The following PADI4 variants were observed in gnomAD, a reference collection of about 807,000 sequenced individuals.
PADI4 encodes the protein protein-arginine deiminase type-4.
PADI4 carries 62 observed loss-of-function variants against 75.0 expected under a neutral mutation model. The ratio of observed to expected loss-of-function variants is 0.83; its 90% confidence interval spans 0.67 to 1.02. The LOEUF is 1.02. Among genes scored for constraint, PADI4 ranks in the 50% least tolerant of loss-of-function variants. The probability of loss-of-function intolerance (pLI) is 0.00; values close to 1 mark genes in which losing one functional copy is unlikely to be tolerated. For missense variants in PADI4, 845 were observed against 850.5 expected (o/e 0.99, Z 0.08); for synonymous variants, 361 against 348.1 (o/e 1.04, Z -0.41).
intron 1 of PADI4, among the ~76,000 whole-genome samples, chr1:17,311,055 C>A (rs1248997563): frequency 6.6e-6 from 1 of 151,448 alleles, no homozygotes; most frequent in Admixed American, 6.6e-5. Context: ...CGAGATTGTG[C>A]CACTGAACTC....
intron 2 of PADI4, among the ~76,000 whole-genome samples, chr1:17,332,849 A>C (rs2074238957): frequency 6.6e-6 from 1 of 152,078 alleles, no homozygotes; most frequent in African/African-American, 2.4e-5. Context: ...AAGAAGTAGC[A>C]AGCTGAAGGG....
chr1:17,341,572 TG>T (rs2074418943), intron 6 of PADI4, among the ~76,000 whole-genome samples: 1 of 152,172 alleles, frequency 6.6e-6, no homozygotes, highest in African/African-American at 2.4e-5. Context: ...GTGCACTCTC[TG>T]GGGGTGAGGA....
chr1:17,322,564 T>A (rs1160687014), intron 1 of PADI4, among the ~76,000 whole-genome samples: 3 of 151,956 alleles, frequency 2.0e-5, no homozygotes, highest in Non-Finnish European at 4.4e-5. Flanking sequence ...AGGGTAAAGA[T>A]CTTTGGGGCC....
chr1:17,357,242 T>C (rs2074776699), intron 13 of PADI4, among the ~76,000 whole-genome samples: 1 of 152,140 alleles, frequency 6.6e-6, no homozygotes, highest in Non-Finnish European at 1.5e-5. Flanking sequence ...ATCTCGACTC[T>C]CTGCAGCCTC....
At chr1:17,329,311 G>A (rs2074168273) in intron 1 of PADI4, among the ~76,000 whole-genome samples, 3 of 146,306 alleles carry the variant, frequency 2.1e-5, no homozygotes, top group Non-Finnish European at 3.0e-5. Context: ...GGGCGACAGT[G>A]AGACTCTGTC....
At position 17,345,432 on chromosome 1, in the gene PADI4, T is replaced by C. The variant is rs529841765; in HGVS notation, c.936-596T>C. Reference sequence around the variant, plus strand: ...TGGGAAGGCATGATTGGTTTTGAAATGTGAGGATATAGGATTTGGAGGGGC... The same window carrying C: ...TGGGAAGGCATGATTGGTTTTGAAACGTGAGGATATAGGATTTGGAGGGGC... On this transcript the variant is annotated intron_variant, in intron 8 of 15. Coordinates refer to ENST00000375448, the MANE Select transcript of PADI4 (RefSeq NM_012387.3). 2.6e-5 allele frequency among the ~76,000 whole-genome samples: 4 copies of C among 152,278 alleles called. No homozygotes were observed. In the South Asian group the frequency reaches 8.3e-4, roughly 32 times the overall value.
intron 10 of PADI4, among the ~76,000 whole-genome samples, chr1:17,349,689 A>ATGAGACCTT (rs1276791853): frequency 4.2e-4 from 43 of 101,412 alleles, no homozygotes; most frequent in East Asian, 1.9e-3. Context: ...TGGGTGACAG[A>ATGAGACCTT]GCAAGACTGT....
In PADI4 at chr1:17,363,804, C is replaced by A; in HGVS notation, c.*49C>A. On this transcript the variant is annotated 3_prime_UTR_variant, in exon 16 of 16. Coordinates refer to ENST00000375448, the MANE Select transcript of PADI4 (RefSeq NM_012387.3). ...CCCTCCTGGCCAGATGTCGCTGGGT[C>A]CTCTGCAGTGTGGCAAGCAAGAGCT... The A allele has an allele frequency of 7.5e-7, 1 of 1,336,796 alleles. No homozygotes were observed. The highest frequency in any genetic ancestry group is 1.1e-6 in the Non-Finnish European group (1 of 934,260). The allele number at this position is 1,336,796 out of a possible 1,614,324, so 82.8% of individuals were successfully genotyped here.
intron 3 of PADI4, chr1:17,334,643 G>T: frequency 2.2e-6 from 1 of 456,146 alleles, no homozygotes; most frequent in Non-Finnish European, 4.4e-6. Context: ...ATAACAAAAA[G>T]TAGATAATGA....
intron 8 of PADI4, among the ~76,000 whole-genome samples, chr1:17,345,609 G>A (rs2074501447): frequency 6.6e-6 from 1 of 152,164 alleles, no homozygotes; most frequent in Non-Finnish European, 1.5e-5. Flanking sequence ...TCATGATAGT[G>A]AATAAGTCTC....
intron 15 of PADI4, among the ~76,000 whole-genome samples, chr1:17,362,351 CAA>C (rs34897407): frequency 0.44 from 47,253 of 107,458 alleles, 8,283 homozygotes; most frequent in Middle Eastern, 0.48. Flanking sequence ...GACCCTGTCT[CAA>C]AAAAAAAAAA....
chr1:17,352,864 G>A (rs2074690066), intron 10 of PADI4, among the ~76,000 whole-genome samples: 1 of 152,188 alleles, frequency 6.6e-6, no homozygotes, highest in Non-Finnish European at 1.5e-5. Context: ...CGAACATGAG[G>A]GTTGTCGGCT....
chr1:17,355,855 A>G, intron 11 of PADI4, 128 bp from the exon 12 acceptor site: 2 of 866,330 alleles, frequency 2.3e-6, no homozygotes, highest in South Asian at 2.8e-5. Context: ...AAATAAAGGC[A>G]TTCTAGACTC....
chr1:17,341,579 G>A (rs980806823), intron 6 of PADI4, among the ~76,000 whole-genome samples: 1 of 152,220 alleles, frequency 6.6e-6, no homozygotes, highest in Non-Finnish European at 1.5e-5. Flanking sequence ...CTCTGGGGGT[G>A]AGGATAGGAG....
intron 13 of PADI4, among the ~76,000 whole-genome samples, chr1:17,358,118 C>T (rs1011134594): frequency 6.8e-5 from 10 of 147,606 alleles, no homozygotes; most frequent in East Asian, 4.1e-4. Context: ...CGCAGTGGTG[C>T]GCACCTGTAA....
chr1:17,355,876 T>G, intron 11 of PADI4, 107 bp from the exon 12 acceptor site: 1 of 1,091,938 alleles, frequency 9.2e-7, no homozygotes, highest in Non-Finnish European at 1.4e-6. Context: ...CTGCATCCCT[T>G]TCTCAGCTGA....
intron 1 of PADI4, among the ~76,000 whole-genome samples, chr1:17,318,202 A>G (rs76120640): frequency 0.011 from 1,741 of 152,332 alleles, 40 homozygotes; most frequent in African/African-American, 0.04. Flanking sequence ...GGCACAGCAG[A>G]GTGGCACCAA....
chr1:17,325,714 ATT>A (rs11378800), intron 1 of PADI4, among the ~76,000 whole-genome samples: 72 of 147,490 alleles, frequency 4.9e-4, no homozygotes, highest in Admixed American at 4.5e-3. Context: ...CACGTTCCTG[ATT>A]TTTTTTTTTT....
chr1:17,352,652 C>T (rs561827090), intron 10 of PADI4, among the ~76,000 whole-genome samples: 61 of 152,258 alleles, frequency 4.0e-4, no homozygotes, highest in African/African-American at 1.4e-3. Flanking sequence ...AGGCTGTGAC[C>T]TCTGTGGGTG....
Sources: gnomAD v4.1 joint callset for allele counts (sites outside exome capture counted in the v4.1 genomes callset) on GRCh38, gnomAD v4.1.1 for gene constraint, MANE v1.5 for transcripts, NCBI Gene and HGNC (gene_info 2026-07-23, HGNC 2026-07-21) for gene names.